Variants in PARD3 observed in about 807,000 individuals in gnomAD.
PARD3 encodes par-3 family cell polarity regulator.
Under a neutral mutation model 155.4 loss-of-function variants are expected in PARD3, and 75 were observed. That is an observed-to-expected ratio of 0.48 (90% CI 0.40 to 0.58). The LOEUF is 0.58. Among genes scored for constraint, PARD3 ranks in the 20% least tolerant of loss-of-function variants. The probability of loss-of-function intolerance (pLI) is 0.00; values close to 1 mark genes in which losing one functional copy is unlikely to be tolerated. For missense variants in PARD3, 1,642 were observed against 1,721.7 expected (o/e 0.95, Z 0.82); for synonymous variants, 576 against 610.5 (o/e 0.94, Z 0.83).
At chr10:34,648,124 T>C (rs1029848035) in intron 2 of PARD3, among the ~76,000 whole-genome samples, 8 of 152,234 alleles carry the variant, frequency 5.3e-5, no homozygotes, top group Non-Finnish European at 1.2e-4. Context: ...GAGGACTGCA[T>C]TTGATTTATA....
chr10:34,748,235 T>C (rs61843488), intron 1 of PARD3, among the ~76,000 whole-genome samples: 33,033 of 151,992 alleles, frequency 0.22, 4,710 homozygotes, highest in East Asian at 0.54. Context: ...TTTGGGAGGG[T>C]GAGGCAGGCA....
chr10:34,764,215 T>C (rs1837808059), intron 1 of PARD3, among the ~76,000 whole-genome samples: 1 of 152,186 alleles, frequency 6.6e-6, no homozygotes, highest in African/African-American at 2.4e-5. Flanking sequence ...CTGCAAGACC[T>C]TAAGGAAAAT....
intron 21 of PARD3, among the ~76,000 whole-genome samples, chr10:34,282,055 A>C (rs936889703): frequency 6.7e-6 from 1 of 149,652 alleles, no homozygotes; most frequent in South Asian, 2.1e-4. Context: ...TACCACAGAC[A>C]GAACAGAAAG....
intron 22 of PARD3, among the ~76,000 whole-genome samples, chr10:34,260,257 G>T (rs1187351667): frequency 2.0e-5 from 3 of 152,218 alleles, no homozygotes; most frequent in Admixed American, 6.5e-5. Context: ...TTACAGGCGT[G>T]AGCTGCCACA....
rs886498045 is a variant in PARD3, at chr10:34,535,894, G to A, written c.223-18735C>T. 4.6e-5 allele frequency among the ~76,000 whole-genome samples: 7 copies of A among 151,934 alleles called. No homozygotes were observed. In the East Asian group the frequency reaches 1.3e-3, roughly 29 times the overall value. On this transcript the variant is annotated intron_variant, in intron 2 of 24. Transcript: ENST00000374788. ...CCATGTCAATGCTCAAAATTTTGTTGGTACAAAAATGCTTTTCCTTCAAAG... is the reference window on the plus strand; with the variant it reads ...CCATGTCAATGCTCAAAATTTTGTTAGTACAAAAATGCTTTTCCTTCAAAG...
intron 1 of PARD3, among the ~76,000 whole-genome samples, chr10:34,736,962 C>T (rs1427701583): frequency 6.6e-6 from 1 of 152,178 alleles, no homozygotes; most frequent in Non-Finnish European, 1.5e-5. Context: ...CAGGCATGAG[C>T]CACCATGCCT....
chr10:34,351,582 C>T (rs1838085969), intron 14 of PARD3, among the ~76,000 whole-genome samples: 1 of 152,236 alleles, frequency 6.6e-6, no homozygotes, highest in South Asian at 2.1e-4. Context: ...TCTTTTCAAA[C>T]AGGACCACAT....
chr10:34,806,063 C>T (rs72783690), intron 1 of PARD3, among the ~76,000 whole-genome samples: 53,533 of 151,542 alleles, frequency 0.35, 10,598 homozygotes, highest in African/African-American at 0.55. Flanking sequence ...CAGAGTCTCG[C>T]TGTGTCACCC....
intron 3 of PARD3, among the ~76,000 whole-genome samples, chr10:34,490,065 G>C (rs1359347666): frequency 6.6e-6 from 1 of 152,056 alleles, no homozygotes; most frequent in African/African-American, 2.4e-5. Flanking sequence ...AGACTCTCTG[G>C]TTTATTTGCA....
At chr10:34,444,784 C>A (rs1423104063) in intron 5 of PARD3, among the ~76,000 whole-genome samples, 2 of 152,176 alleles carry the variant, frequency 1.3e-5, no homozygotes, top group Non-Finnish European at 2.9e-5. Context: ...GAATAAGACA[C>A]CCCAGACTTC....
Position 34,341,699 on chromosome 10 carries a change from T to C in PARD3, c.2336A>G (p.His779Arg), listed in dbSNP as rs909726610. ...TGCCGTCACAAACCCCACATCATCA[T>C]GGGAGCTGGAAGAGGACTGGTCAGA... Reference protein sequence around the residue: ...HLSDQSSSSSHDDVGFVTADA... With the variant: ...HLSDQSSSSSRDDVGFVTADA... The change falls in exon 16 of 25, where the codon CAT (histidine) becomes CGT (arginine). Residue 779 changes from histidine (H) to arginine (R), a missense_variant. Coordinates refer to ENST00000374788, the MANE Select transcript of PARD3 (RefSeq NM_001184785.2). The C allele has an allele frequency of 4.3e-6, 7 of 1,613,914 alleles. No individual in the cohort carries two copies. Among genetic ancestry groups the C allele is most frequent in the South Asian group, 3.3e-5 (3 of 91,058 alleles).
chr10:34,494,590 T>C (rs1303228216), intron 3 of PARD3, among the ~76,000 whole-genome samples: 1 of 152,044 alleles, frequency 6.6e-6, no homozygotes, highest in African/African-American at 2.4e-5. Context: ...CTTGATAACA[T>C]AGCCCTGTTA....
chr10:34,131,658 G>A, intron 22 of PARD3, 75 bp from the exon 23 acceptor site: 1 of 1,309,160 alleles, frequency 7.6e-7, no homozygotes, highest in East Asian at 2.3e-5. Context: ...AGCAAAACAT[G>A]GCAACTTGCT....
intron 2 of PARD3, among the ~76,000 whole-genome samples, chr10:34,680,985 A>T (rs959004377): frequency 8.5e-6 from 1 of 118,072 alleles, no homozygotes; most frequent in Non-Finnish European, 1.7e-5. Flanking sequence ...AAAGTATAAT[A>T]AAAAAAAAAA....
chr10:34,287,063 G>C lies in PARD3; in HGVS notation c.3066-2818C>G, dbSNP rs7097431. 7.8e-4 allele frequency among the ~76,000 whole-genome samples: 118 copies of C among 152,220 alleles called. 2 individuals carry two copies. Among genetic ancestry groups the C allele is most frequent in the African/African-American group, 2.8e-3 (115 of 41,538 alleles). On this transcript the variant is annotated intron_variant, in intron 20 of 24. Coordinates refer to ENST00000374788, the MANE Select transcript of PARD3 (RefSeq NM_001184785.2). The stretch of plus-strand genomic sequence containing the variant: ...GAAAAGGTTTGGAGGACTTGGGGGT[G>C]AAGATATCATAACGGCAAAAATTCA...
chr10:34,279,041 A>G lies in PARD3; in HGVS notation c.3176+5094T>C, dbSNP rs115867127. On this transcript the variant is annotated intron_variant, in intron 21 of 24. Transcript: ENST00000374788. The stretch of plus-strand genomic sequence containing the variant: ...CAGCTCTCATCAGAAAGCAAACTGC[A>G]TTTTCCTACTTCATTTGCAGTATCT... Among the ~76,000 whole-genome samples the G allele has an allele frequency of 4.7e-3, 708 of 151,152 alleles. 7 individuals carry two copies. The highest frequency in any genetic ancestry group is 0.016 in the African/African-American group (671 of 41,046).
intron 1 of PARD3, among the ~76,000 whole-genome samples, chr10:34,805,008 T>G (rs1177666518): frequency 6.6e-6 from 1 of 152,194 alleles, no homozygotes; most frequent in African/African-American, 2.4e-5. Context: ...TTTTGAAATA[T>G]ATAAACCCTA....
At chr10:34,695,854 G>T (rs1402990543) in intron 2 of PARD3, among the ~76,000 whole-genome samples, 2 of 152,154 alleles carry the variant, frequency 1.3e-5, no homozygotes, top group African/African-American at 4.8e-5. Context: ...AGGCTGCCTG[G>T]GACACACTCG....
At chr10:34,710,107 G>C (rs1415646067) in intron 1 of PARD3, among the ~76,000 whole-genome samples, 7 of 152,122 alleles carry the variant, frequency 4.6e-5, no homozygotes, top group Admixed American at 3.9e-4. Context: ...ACATAGCCAA[G>C]ATGCATATAT....
Sources: allele counts gnomAD v4.1 joint callset (sites outside exome capture counted in the v4.1 genomes callset), GRCh38; gene constraint gnomAD v4.1.1; transcripts MANE v1.5; gene names NCBI Gene and HGNC (gene_info 2026-07-23, HGNC 2026-07-21).